Variants in ZP2 observed in about 807,000 individuals in gnomAD.
ZP2 encodes the protein zona pellucida sperm-binding protein 2.
ZP2 carries 51 observed loss-of-function variants against 84.0 expected under a neutral mutation model. The ratio of observed to expected loss-of-function variants is 0.61; its 90% confidence interval spans 0.49 to 0.77. ZP2 has a LOEUF of 0.77. Ranked by LOEUF, ZP2 falls within the 30% of genes least tolerant of loss-of-function variation. The pLI is 0.00. For synonymous variants in ZP2, 375 were observed against 330.9 expected (o/e 1.13, Z -1.45); for missense variants, 909 against 911.9 (o/e 1.00, Z 0.04).
In ZP2 at chr16:21,202,132, G is replaced by A. The variant is rs761967191; in HGVS notation, c.1259C>T (p.Pro420Leu). The A allele has an allele frequency of 6.2e-7, 1 of 1,613,004 alleles. No homozygotes were observed. The highest frequency in any genetic ancestry group is 1.1e-5 in the South Asian group (1 of 90,816). ...QSQGLVRFHI[P>L]LNGCGTRYKF... is the part of the protein sequence containing the mutation. ...ATATCTCGTTCCACATCCATTCAGGGGTATGTGGAACCGTACCAGCCCCTG... is the reference window on the plus strand; with the variant it reads ...ATATCTCGTTCCACATCCATTCAGGAGTATGTGGAACCGTACCAGCCCCTG... The change falls in exon 11 of 19, where the codon CCC (proline) becomes CTC (leucine). Residue 420 changes from proline (P) to leucine (L), a missense_variant. Pro to Leu is a moderately conservative substitution (Grantham distance 98, BLOSUM62 -3). Coordinates refer to ENST00000574091, the MANE Select transcript of ZP2 (RefSeq NM_001376232.1).
Position 21,211,400 on chromosome 16 carries a change from A to G in ZP2, c.63-5T>C, listed in dbSNP as rs1241353676. 6.2e-7 allele frequency: 1 copy of G among 1,614,164 alleles called. No individual in the cohort carries two copies. Among genetic ancestry groups the G allele is most frequent in the Non-Finnish European group, 8.5e-7 (1 of 1,180,014 alleles). On this transcript the variant is annotated splice_polypyrimidine_tract_variant and splice_region_variant and intron_variant, in intron 1 of 18. Coordinates refer to ENST00000574091, the MANE Select transcript of ZP2 (RefSeq NM_001376232.1). ...AGAGAAATCGACCTGTAGGTGCTGG[A>G]AAGAGACAGGGAGATAGTCAAGGAA...
rs1195903119 is a variant in ZP2 at position 21,204,161 on chromosome 16, G to A, written c.841C>T (p.Pro281Ser). Residue 281 changes from proline to serine, a missense_variant, in exon 9 of 19, where the codon CCT becomes TCT. Transcript: ENST00000574091. ...THMTLTIPEF[P>S]GKLKSVSFEN... ...AAGCTCACAGACTTAAGCTTCCCAG[G>A]AAACTCTGGTATGGTGAGAGTCATG... is the stretch of plus-strand genomic sequence containing the variant. 2 of 1,614,126 alleles carry A rather than the reference G, an allele frequency of 1.2e-6. No individual in the cohort carries two copies. Among genetic ancestry groups the A allele is most frequent in the South Asian group, 1.1e-5 (1 of 91,084 alleles).
rs1467800904 is a variant in ZP2 at position 21,197,783 on chromosome 16, T to A, written c.2078A>T (p.Glu693Val). Residue 693 changes from glutamate to valine, a missense_variant, in exon 18 of 19, where the codon GAG (glutamate) becomes GTG (valine). By Grantham distance (121) the Glu-to-Val change is moderately radical (BLOSUM62 -2). Coordinates refer to ENST00000574091, the MANE Select transcript of ZP2 (RefSeq NM_001376232.1). ...SGEKSRSETG[E>V]EVGSRGAMDT... Reference sequence around the variant, plus strand: ...AAACTTACCTCGTGAGCCAACCTCCTCCCCTGTTTCACTCCTACTCTTCTC... The same window carrying A: ...AAACTTACCTCGTGAGCCAACCTCCACCCCTGTTTCACTCCTACTCTTCTC... 1 of 1,614,038 alleles carries A rather than the reference T, an allele frequency of 6.2e-7. No individual in the cohort carries two copies. The highest frequency in any genetic ancestry group is 1.3e-5 in the African/African-American group (1 of 74,912).
chr16:21,198,027 C>A (rs2093207609), intron 17 of ZP2, 178 bp from the exon 18 acceptor site: 1 of 593,978 alleles, frequency 1.7e-6, no homozygotes, highest in African/African-American at 1.9e-5. Flanking sequence ...GATGCACATG[C>A]TCTGACCTAA....
At position 21,204,121 on chromosome 16, in the gene ZP2, A is replaced by G. The variant is rs1352901599; in HGVS notation, c.881T>C (p.Ile294Thr). Reference protein sequence around the residue: ...LKSVSFENQNIDVSQLHDNGI... With the variant: ...LKSVSFENQNTDVSQLHDNGI... The stretch of plus-strand genomic sequence containing the variant: ...ATTGTCATGCAGCTGGCTCACATCA[A>G]TGTTCTGGTTTTCAAAGCTCACAGA... Residue 294 changes from isoleucine to threonine, a missense_variant, in exon 9 of 19, where the codon ATT (isoleucine) becomes ACT (threonine). Transcript: ENST00000574091. The G allele has an allele frequency of 1.1e-5, 17 of 1,614,054 alleles. No individual in the cohort carries two copies. In the East Asian group the frequency reaches 2.9e-4, roughly 27 times the overall value.
At chr16:21,207,018 G>C (rs1307323041) in intron 4 of ZP2, 28 bp from the exon 5 acceptor site, 1 of 1,613,278 alleles carries the variant, frequency 6.2e-7, no homozygotes, top group Admixed American at 1.7e-5. Context: ...AGTGGGAACA[G>C]AGTAAGTACT....
chr16:21,214,157 GT>G, upstream of ZP2: 1 of 814,754 alleles, frequency 1.2e-6, no homozygotes, highest in Non-Finnish European at 1.5e-6. Flanking sequence ...AGCAGGAGAT[GT>G]GGTGAGAAAG....
chr16:21,209,564 A>C lies in ZP2; in HGVS notation c.330+67T>G, dbSNP rs1370763859. The C allele has an allele frequency of 3.4e-6, 5 of 1,478,624 alleles. No homozygotes were observed. In the South Asian group the frequency reaches 5.8e-5, roughly 17 times the overall value. 91.6% of individuals were successfully genotyped at this position (1,478,624 alleles called of 1,614,324 possible). ...ACTCCAAAGAGAAAGTTCTTAGCCA[A>C]GTTTACTGCCAGTAACTCTTAGGTT... On this transcript the variant is annotated intron_variant, in intron 4 of 18. Transcript: ENST00000574091.
intron 7 of ZP2, among the ~76,000 whole-genome samples, chr16:21,204,837 G>C (rs888145444): frequency 6.6e-6 from 1 of 152,084 alleles, no homozygotes; most frequent in Non-Finnish European, 1.5e-5. Flanking sequence ...CAGACTATTG[G>C]CCTGGAAAGC....
rs190038226 is a variant in ZP2, at chr16:21,201,974, G to A, written c.1337C>T (p.Thr446Met). The A allele has an allele frequency of 1.0e-4, 166 of 1,614,026 alleles. No individual in the cohort carries two copies. Among genetic ancestry groups the A allele is most frequent in the East Asian group, 3.8e-4 (17 of 44,882 alleles). The change falls in exon 12 of 19, where the codon ACG (threonine) becomes ATG (methionine). Residue 446 changes from threonine to methionine, a missense_variant. By Grantham distance (81) the Thr-to-Met change is moderately conservative. Transcript: ENST00000574091. ...AGATATTTTGCTTGGAGGAAAATCC[G>A]TCCAGAGAGCATGTATTTCGTTTTC... ...VYENEIHALWTDFPPSKISRD... is the reference protein window; with the variant it reads ...VYENEIHALWMDFPPSKISRD...
chr16:21,202,819 C>T (rs1054251311), intron 10 of ZP2, among the ~76,000 whole-genome samples: 1 of 152,022 alleles, frequency 6.6e-6, no homozygotes, highest in Admixed American at 6.6e-5. Flanking sequence ...TGGGGGGGTA[C>T]TTAAACTTAA....
At chr16:21,201,238 A>G (rs1276537696) in intron 14 of ZP2, 131 bp downstream of exon 14, 2 of 791,092 alleles carry the variant, frequency 2.5e-6, no homozygotes, top group Non-Finnish European at 3.7e-6. Context: ...AAGAGTCCCA[A>G]TTAGAAAACA....
At chr16:21,209,944 C>G (rs2093266821) in intron 3 of ZP2, 165 bp downstream of exon 3, 6 of 712,658 alleles carry the variant, frequency 8.4e-6, no homozygotes, top group South Asian at 7.0e-5. Flanking sequence ...ACAGACAGGT[C>G]TTCCATGCTG....
rs895080857 is a variant in ZP2 at position 21,210,910 on chromosome 16, C to T, written c.151+397G>A. On this transcript the variant is annotated intron_variant, in intron 2 of 18. Coordinates refer to ENST00000574091, the MANE Select transcript of ZP2 (RefSeq NM_001376232.1). ...TTTTTTTTTTAAAGATCAAGTTTTGCCCATCATCTGCTACTCTGCAGCCTC... is the reference window on the plus strand; with the variant it reads ...TTTTTTTTTTAAAGATCAAGTTTTGTCCATCATCTGCTACTCTGCAGCCTC... Among the ~76,000 whole-genome samples the T allele has an allele frequency of 2.0e-5, 3 of 150,658 alleles. No homozygotes were observed. In the South Asian group the frequency reaches 6.3e-4, roughly 31 times the overall value.
intron 10 of ZP2, 95 bp downstream of exon 10, chr16:21,203,030 A>G: frequency 1.4e-6 from 2 of 1,443,008 alleles, no homozygotes; most frequent in Non-Finnish European, 1.9e-6. Flanking sequence ...GTCTATAAGC[A>G]ATAGATCAGA....
chr16:21,204,344 T>C lies in ZP2; in HGVS notation c.754A>G (p.Lys252Glu), dbSNP rs1204783092. The change falls in exon 8 of 19, where the codon AAG becomes GAG. Residue 252 changes from lysine to glutamate, a missense_variant. By Grantham distance (56) the Lys-to-Glu change is moderately conservative. Coordinates refer to ENST00000574091, the MANE Select transcript of ZP2 (RefSeq NM_001376232.1). ...ATAGCTTGTGAAGAGAAGATCACCT[T>C]CTGTCCAGGAGATATAAATGTAAGC... ...LKLTFISPGQ[K>E]VIFSSQAICA... 1.2e-6 allele frequency: 2 copies of C among 1,613,972 alleles called. No homozygotes were observed. Among genetic ancestry groups the C allele is most frequent in the African/African-American group, 2.7e-5 (2 of 74,908 alleles).
chr16:21,213,109 A>G (rs1375789983), upstream of ZP2, among the ~76,000 whole-genome samples: 3 of 152,150 alleles, frequency 2.0e-5, no homozygotes, highest in Non-Finnish European at 4.4e-5. Flanking sequence ...CAGTGGCGCA[A>G]TCTTGGCTCA....
In ZP2 at chr16:21,201,527, G is replaced by A. The variant is rs116035262; in HGVS notation, c.1536C>T (p.Asn512=). Residue 512 remains asparagine (N), a synonymous_variant, in exon 14 of 19, where the codon AAC becomes AAT. Coordinates refer to ENST00000574091, the MANE Select transcript of ZP2 (RefSeq NM_001376232.1). ...GGAGGAATCTCACTAGAGGGTACTC[G>A]TTTTCCCCATAAGGTTGTTGGTAGG... ...DNSYQQPYGE[N]EYPLVRFLRQ... 3.6e-4 allele frequency: 580 copies of A among 1,611,320 alleles called. 1 individual carries two copies. In the African/African-American group the frequency reaches 5.8e-3, roughly 16 times the overall value.
At position 21,210,212 on chromosome 16, in the gene ZP2, T is replaced by C. The variant is rs1383064254; in HGVS notation, c.152-20A>G. 4 of 1,602,826 alleles carry C rather than the reference T, an allele frequency of 2.5e-6. No individual in the cohort carries two copies. The highest frequency in any genetic ancestry group is 2.2e-5 in the South Asian group (2 of 90,844). On this transcript the variant is annotated intron_variant, in intron 2 of 18. Transcript: ENST00000574091. ...CAGTGCCTAAGGAGCAAAGGAAGCA[T>C]TTGGGGGCTTTGAGTCATGAGTGAT...
Sources: gnomAD v4.1 joint callset for allele counts (sites outside exome capture counted in the v4.1 genomes callset) on GRCh38, gnomAD v4.1.1 for gene constraint, MANE v1.5 for transcripts, NCBI Gene and HGNC (gene_info 2026-07-23, HGNC 2026-07-21) for gene names.